NWD1: variants seen among roughly 807,000 people sequenced by gnomAD.
The protein encoded by NWD1 is NACHT and WD repeat domain containing 1.
NWD1 carries 129 observed loss-of-function variants against 135.1 expected under a neutral mutation model. The ratio of observed to expected loss-of-function variants is 0.96; its 90% CI spans 0.83 to 1.11. The LOEUF (loss-of-function observed/expected upper bound fraction) is 1.11. Ranked by LOEUF, NWD1 falls within the 50% of genes least tolerant of loss-of-function variation. NWD1 has a pLI of 0.00. For missense variants in NWD1, 1,740 were observed against 1,851.3 expected, an observed-to-expected ratio of 0.94 and a Z score of 1.10; for synonymous variants, 773 against 786.0, an observed-to-expected ratio of 0.98 and a Z score of 0.28.
At chr19:16,809,782 C>G (rs1018321394) in intron 18 of NWD1, among the ~76,000 whole-genome samples, 2 of 151,764 alleles carry the variant, frequency 1.3e-5, no homozygotes, top group Non-Finnish European at 2.9e-5. Context: ...TGGTCTCAAT[C>G]TCCTGACCTC....
chr19:16,738,092 T>A (rs1488344877), intron 4 of NWD1: 1 of 289,444 alleles, frequency 3.5e-6, no homozygotes, highest in Admixed American at 4.1e-5. Context: ...AAAGCTTTAT[T>A]GGCACACAGC....
At chr19:16,756,115 T>C (rs1325399837) in intron 6 of NWD1, among the ~76,000 whole-genome samples, 1 of 152,072 alleles carries the variant, frequency 6.6e-6, no homozygotes, top group Non-Finnish European at 1.5e-5. Context: ...GGGCTGGGCA[T>C]GGTGGCTCAT....
chr19:16,798,125 G>C (rs1328492177), intron 16 of NWD1, among the ~76,000 whole-genome samples: 1 of 152,146 alleles, frequency 6.6e-6, no homozygotes, highest in Non-Finnish European at 1.5e-5. Flanking sequence ...AACCTTGGGG[G>C]CAGATTTGTG....
rs143824559 is a variant in NWD1, at chr19:16,789,187, A to G, written c.2937A>G (p.Ser979=). 10 of 1,611,776 alleles carry G rather than the reference A, an allele frequency of 6.2e-6. No homozygotes were observed. Among genetic ancestry groups the G allele is most frequent in the Non-Finnish European group, 7.6e-6 (9 of 1,177,928 alleles). ...AHKVVYSASG[S]KINAWNLETA... is the part of the protein sequence containing the mutation. ...AAGTTGTGTATTCAGCATCTGGCTC[A>G]AAGGTAACAAACATATGCCCTGTTT... Residue 979 remains serine, a synonymous_variant, in exon 13 of 19, where the codon TCA becomes TCG. Coordinates refer to ENST00000524140, the MANE Select transcript of NWD1 (RefSeq NM_001007525.5).
chr19:16,767,421 C>T (rs1969264239), intron 10 of NWD1, among the ~76,000 whole-genome samples: 1 of 152,012 alleles, frequency 6.6e-6, no homozygotes, highest in South Asian at 2.1e-4. Context: ...TTGAGACCAG[C>T]CTGGCCAACA....
At position 16,810,745 on chromosome 19, in the gene NWD1, G is replaced by T. The variant is rs77337042; in HGVS notation, c.4287+2609G>T. Among the ~76,000 whole-genome samples, 230 of 152,208 alleles carry T rather than the reference G, an allele frequency of 1.5e-3. 4 individuals are homozygous for T. The East Asian group carries it at 0.037, about 25-fold the overall frequency. ...GCCACTGCACTCCACCCTGGATGAC[G>T]ATACAAGATTCTGTCTCTCGAGCAA... On this transcript the variant is annotated intron_variant, in intron 18 of 18. Coordinates refer to ENST00000524140, the MANE Select transcript of NWD1 (RefSeq NM_001007525.5).
Position 16,749,436 on chromosome 19 carries a change from TG to T in NWD1, c.797del (p.Gly266ValfsTer6). On this transcript the variant is annotated frameshift_variant, in exon 6 of 19. Coordinates refer to ENST00000524140, the MANE Select transcript of NWD1 (RefSeq NM_001007525.5). LOFTEE classifies it high-confidence loss of function. Reference protein sequence around the residue: ...NKTHACYLKELGEQFVVRANH... With the variant: ...NKTHACYLKEXGEQFVVRANH... ...ACTCACGCCTGCTACCTGAAGGAGC[TG>T]GGTGAGCAGTTTGTGGTGAGGGCCA... 6.2e-7 allele frequency: 1 copy of T among 1,613,748 alleles called. No individual in the cohort carries two copies. The highest frequency in any genetic ancestry group is 1.3e-5 in the African/African-American group (1 of 75,028).
In NWD1 at chr19:16,763,916, G is replaced by A. The variant is rs769555044; in HGVS notation, c.2222G>A (p.Arg741His). Reference protein sequence around the residue: ...ELPYHLLHSGRLEELKQEVLG... With the variant: ...ELPYHLLHSGHLEELKQEVLG... ...CCCTATCACCTGCTTCACTCGGGCC[G>A]CCTGGAGGAGCTGAAACAGGAGGTT... Residue 741 changes from arginine to histidine, a missense_variant, in exon 9 of 19, where the codon CGC (arginine) becomes CAC (histidine). Physicochemically the swap from Arg to His is conservative, Grantham distance 29. Coordinates refer to ENST00000524140, the MANE Select transcript of NWD1 (RefSeq NM_001007525.5). The A allele has an allele frequency of 1.3e-5, 21 of 1,612,726 alleles. No individual in the cohort carries two copies. Among genetic ancestry groups the A allele is most frequent in the African/African-American group, 5.3e-5 (4 of 74,884 alleles).
chr19:16,762,781 C>T (rs930985469), intron 8 of NWD1, among the ~76,000 whole-genome samples: 21 of 151,402 alleles, frequency 1.4e-4, no homozygotes, highest in African/African-American at 4.6e-4. Context: ...TTCCCTCCCT[C>T]GCTTCCTTCC....
chr19:16,798,499 T>C (rs1044797583), intron 16 of NWD1, among the ~76,000 whole-genome samples: 1 of 152,092 alleles, frequency 6.6e-6, no homozygotes, highest in Non-Finnish European at 1.5e-5. Context: ...TAGTCCTAGC[T>C]ACTCAGGAAT....
chr19:16,737,443 TA>T (rs1377603878), intron 4 of NWD1, among the ~76,000 whole-genome samples: 1 of 151,912 alleles, frequency 6.6e-6, no homozygotes, highest in Non-Finnish European at 1.5e-5. Flanking sequence ...TTTTTGGAAA[TA>T]TGGGGTCTCA....
intron 13 of NWD1, among the ~76,000 whole-genome samples, chr19:16,790,639 A>ATAAT (rs1555730358): frequency 0.023 from 3,332 of 147,322 alleles, 69 homozygotes; most frequent in African/African-American, 0.035. Context: ...CATTAAAAAA[A>ATAAT]AATAAATAAA....
intron 11 of NWD1, among the ~76,000 whole-genome samples, chr19:16,778,494 C>CTTCTTTTTTTTTTTTTTTTT (rs200410922): frequency 9.3e-6 from 1 of 107,570 alleles, no homozygotes; most frequent in African/African-American, 4.7e-5. Flanking sequence ...TCTTCTTCTT[C>CTTCTTTTTTTTTTTTTTTTT]TTTTTTTTTT....
chr19:16,803,364 T>C (rs978329723), intron 17 of NWD1, among the ~76,000 whole-genome samples: 3 of 151,964 alleles, frequency 2.0e-5, no homozygotes, highest in Non-Finnish European at 4.4e-5. Context: ...AATACCATCC[T>C]ATGGGGAGTG....
chr19:16,785,764 AC>A (rs1256913687), intron 12 of NWD1, among the ~76,000 whole-genome samples: 3 of 146,942 alleles, frequency 2.0e-5, no homozygotes, highest in Admixed American at 1.4e-4. Context: ...ATACATATAT[AC>A]AAAAACAAAT....
At chr19:16,768,566 T>C (rs773284353) in intron 10 of NWD1, among the ~76,000 whole-genome samples, 2 of 145,374 alleles carry the variant, frequency 1.4e-5, no homozygotes, top group Non-Finnish European at 3.0e-5. Flanking sequence ...TCTTTTTCTC[T>C]ACCCTTTTAT....
At chr19:16,791,663 C>A in intron 14 of NWD1, 41 bp downstream of exon 14, 1 of 1,576,704 alleles carries the variant, frequency 6.3e-7, no homozygotes, top group Non-Finnish European at 8.7e-7. Flanking sequence ...ATTAACTCAG[C>A]TTGAAAGTGC....
chr19:16,771,583 G>A (rs1381118148), intron 10 of NWD1, among the ~76,000 whole-genome samples: 1 of 152,188 alleles, frequency 6.6e-6, no homozygotes, highest in African/African-American at 2.4e-5. Context: ...AACTTCCCAG[G>A]AAAACAGCCT....
At position 16,788,564 on chromosome 19, in the gene NWD1, C is replaced by CAA. The variant is rs1164007408; in HGVS notation, c.2732-400_2732-399dup. The stretch of plus-strand genomic sequence containing the variant: ...AGCCTGGGTGACAGAGAGAGTCCGT[C>CAA]AAAAAAAAAAAAAAAAAAAGAGGGT... On this transcript the variant is annotated intron_variant, in intron 12 of 18. Transcript: ENST00000524140. Among the ~76,000 whole-genome samples the CAA allele has an allele frequency of 2.9e-3, 211 of 71,660 alleles. 2 individuals are homozygous for CAA. Among genetic ancestry groups the CAA allele is most frequent in the South Asian group, 5.4e-3 (12 of 2,238 alleles). The allele number at this position is 71,660 out of a possible 152,430, so 47.0% of individuals were successfully genotyped here.
Sources: gnomAD v4.1 joint callset for allele counts (sites outside exome capture counted in the v4.1 genomes callset) on GRCh38, gnomAD v4.1.1 for gene constraint, MANE v1.5 for transcripts, NCBI Gene and HGNC (gene_info 2026-07-23, HGNC 2026-07-21) for gene names.